CPXM2: variants seen among roughly 807,000 people sequenced by gnomAD.
The protein encoded by CPXM2 is carboxypeptidase X, M14 family member 2.
Under a neutral mutation model 86.1 loss-of-function variants are expected in CPXM2, and 66 were observed. That is an observed-to-expected ratio of 0.77 (90% CI 0.63 to 0.94). The LOEUF is 0.94. Ranked by LOEUF, CPXM2 falls within the 40% of genes least tolerant of loss-of-function variation. CPXM2 has a pLI of 0.00. For missense variants in CPXM2, 948 were observed against 1,026.3 expected (o/e 0.92, Z 1.04); for synonymous variants, 388 against 400.2 (o/e 0.97, Z 0.36).
chr10:123,766,624 C>T (rs943657985), intron 10 of CPXM2, among the ~76,000 whole-genome samples: 2 of 152,140 alleles, frequency 1.3e-5, no homozygotes, highest in Non-Finnish European at 2.9e-5. Context: ...AAATAAGATA[C>T]ATTAAGCAAT....
intron 13 of CPXM2, chr10:123,752,643 T>C (rs568325165): frequency 1.4e-5 from 14 of 984,476 alleles, no homozygotes; most frequent in Non-Finnish European, 1.6e-5. Context: ...TGGGAACAGT[T>C]TGCAGAGAAG....
chr10:123,794,864 G>A (rs1847295223), intron 6 of CPXM2, among the ~76,000 whole-genome samples: 1 of 151,678 alleles, frequency 6.6e-6, no homozygotes, highest in African/African-American at 2.4e-5. Flanking sequence ...TCACCTCCTG[G>A]GCTCAGGTGA....
At chr10:123,936,049 T>TCACCACTATCTTTACCATCACCAC in intron 2 of CPXM2, among the ~76,000 whole-genome samples, 2 of 33,820 alleles carry the variant, frequency 5.9e-5, no homozygotes, top group South Asian at 1.2e-3. Context: ...TTCACCATCA[T>TCACCACTATCTTTACCATCACCAC]CACCATCACC....
rs1285415314 is a variant in CPXM2, at chr10:123,865,988, C to T, written c.404-3265G>A. On this transcript the variant is annotated intron_variant, in intron 2 of 13. Coordinates refer to ENST00000241305, the MANE Select transcript of CPXM2 (RefSeq NM_198148.3). The surrounding 1 kb of genome is among the most constrained non-coding windows in gnomAD (Gnocchi z 4.7). The stretch of plus-strand genomic sequence containing the variant: ...CCCCACAATTTCTCCCTCTCAGCCA[C>T]TCCTCCACCCCCACACCACACACAG... 1.3e-5 allele frequency among the ~76,000 whole-genome samples: 2 copies of T among 152,152 alleles called. No homozygotes were observed. Among genetic ancestry groups the T allele is most frequent in the East Asian group, 3.9e-4 (2 of 5,184 alleles).
At chr10:123,937,142 C>T (rs1192601909) in intron 2 of CPXM2, among the ~76,000 whole-genome samples, 2 of 152,164 alleles carry the variant, frequency 1.3e-5, no homozygotes, top group Admixed American at 6.5e-5. Context: ...GTCCAGGTGA[C>T]CCTAATTTTC....
At chr10:123,825,895 C>T (rs1436038292) in intron 4 of CPXM2, among the ~76,000 whole-genome samples, 1 of 152,018 alleles carries the variant, frequency 6.6e-6, no homozygotes, top group Non-Finnish European at 1.5e-5. Context: ...TGGTATATTA[C>T]CACAGAAACA....
At chr10:123,897,426 G>C (rs542113805) in intron 2 of CPXM2, among the ~76,000 whole-genome samples, 1 of 152,124 alleles carries the variant, frequency 6.6e-6, no homozygotes, top group Admixed American at 6.5e-5. Context: ...ATTAACAAAT[G>C]ATCGAGTCAG....
At chr10:123,923,735 A>C (rs1200893327) in intron 2 of CPXM2, among the ~76,000 whole-genome samples, 1 of 152,194 alleles carries the variant, frequency 6.6e-6, no homozygotes, top group East Asian at 1.9e-4. Flanking sequence ...AGTGGGAGAT[A>C]ATTGAATCAT....
intron 4 of CPXM2, among the ~76,000 whole-genome samples, chr10:123,833,071 C>T (rs982851567): frequency 2.0e-5 from 3 of 152,260 alleles, no homozygotes; most frequent in African/African-American, 4.8e-5. Flanking sequence ...ACTTCCTAAA[C>T]GGTGAGAAAC....
At position 123,746,889 on chromosome 10, in the gene CPXM2, A is replaced by G; in HGVS notation, c.2146T>C (p.Phe716Leu). The change falls in exon 14 of 14, where the codon TTC (phenylalanine) becomes CTC (leucine). Residue 716 changes from phenylalanine to leucine, a missense_variant. Transcript: ENST00000241305. ...GCCATGTTGGTTTTGCTAAGTGTGAAGTCACACCTTGTGGCCCCCATGTCA... is the reference window on the plus strand; with the variant it reads ...GCCATGTTGGTTTTGCTAAGTGTGAGGTCACACCTTGTGGCCCCCATGTCA... ...GYDMGATRCD[F>L]TLSKTNMARI... 6.2e-7 allele frequency: 1 copy of G among 1,614,006 alleles called. No homozygotes were observed. Among genetic ancestry groups the G allele is most frequent in the Non-Finnish European group, 8.5e-7 (1 of 1,180,012 alleles).
intron 3 of CPXM2, among the ~76,000 whole-genome samples, chr10:123,852,593 G>A (rs1343808250): frequency 6.6e-6 from 1 of 152,118 alleles, no homozygotes; most frequent in Non-Finnish European, 1.5e-5. Flanking sequence ...AACTTTCCAG[G>A]GCTCCCCTAA....
In CPXM2 at chr10:123,780,230, C is replaced by T; in HGVS notation, c.915G>A (p.Arg305=). 6.2e-7 allele frequency: 1 copy of T among 1,609,412 alleles called. No individual in the cohort carries two copies. Among genetic ancestry groups the T allele is most frequent in the Non-Finnish European group, 8.5e-7 (1 of 1,175,774 alleles). The change falls in exon 7 of 14, where the codon CGG becomes CGA. Residue 305 remains arginine (R), a synonymous_variant. Coordinates refer to ENST00000241305, the MANE Select transcript of CPXM2 (RefSeq NM_198148.3). ...LPDPNNYYHR[R]NEMTTTDDLD... The stretch of plus-strand genomic sequence containing the variant: ...GGTCATCAGTGGTGGTCATCTCGTT[C>T]CGGCGGTGATAATAATTATTAGGAT...
chr10:123,858,654 G>C (rs1168679178), intron 3 of CPXM2, among the ~76,000 whole-genome samples: 2 of 152,298 alleles, frequency 1.3e-5, no homozygotes, highest in African/African-American at 2.4e-5. Flanking sequence ...TTCCATGTTG[G>C]AGGAATAAAT....
At chr10:123,894,974 C>A (rs1945323452), upstream of CPXM2, among the ~76,000 whole-genome samples, 1 of 152,140 alleles carries the variant, frequency 6.6e-6, no homozygotes, top group East Asian at 1.9e-4. Flanking sequence ...TGCTCCCCGA[C>A]CGAAGAATCT....
intron 2 of CPXM2, among the ~76,000 whole-genome samples, chr10:123,905,382 G>T (rs1945429571): frequency 6.6e-6 from 1 of 152,144 alleles, no homozygotes; most frequent in Non-Finnish European, 1.5e-5. Flanking sequence ...ACAGAGCACT[G>T]GACAAGGAGC....
chr10:123,789,013 A>G (rs950488382), intron 6 of CPXM2, among the ~76,000 whole-genome samples: 2 of 152,084 alleles, frequency 1.3e-5, no homozygotes, highest in African/African-American at 4.8e-5. Flanking sequence ...AGCAGCTGCC[A>G]TTGTGGCCTT....
At chr10:123,827,457 C>CTCTT (rs1848072008) in intron 4 of CPXM2, among the ~76,000 whole-genome samples, 2 of 152,030 alleles carry the variant, frequency 1.3e-5, no homozygotes, top group Admixed American at 1.3e-4. Context: ...TTTACAATTG[C>CTCTT]TCAAAAAGAC....
intron 2 of CPXM2, among the ~76,000 whole-genome samples, chr10:123,911,934 T>A (rs570915081): frequency 1.1e-4 from 16 of 152,186 alleles, no homozygotes; most frequent in African/African-American, 3.6e-4. Context: ...AAGGAGAGAC[T>A]GAGGCAAGCT....
intron 4 of CPXM2, among the ~76,000 whole-genome samples, chr10:123,839,896 A>G (rs1848352116): frequency 6.6e-6 from 1 of 152,196 alleles, no homozygotes; most frequent in African/African-American, 2.4e-5. Context: ...ACATTTTTTA[A>G]AAGTAACTCT....
Sources: allele counts gnomAD v4.1 joint callset (sites outside exome capture counted in the v4.1 genomes callset), GRCh38; gene constraint gnomAD v4.1.1; non-coding constraint Gnocchi (gnomAD v3.1); transcripts MANE v1.5; gene names NCBI Gene and HGNC (gene_info 2026-07-23, HGNC 2026-07-21).